Variants in NBEA observed in about 807,000 individuals in gnomAD.
NBEA encodes neurobeachin, also known as lysosomal-trafficking regulator 2.
In NBEA, 44 loss-of-function variants were observed where a neutral mutation model predicts 343.4. That is an observed-to-expected ratio of 0.13 (90% confidence interval 0.10 to 0.16). The LOEUF is 0.16. Among genes scored for constraint, NBEA ranks in the 10% least tolerant of loss-of-function variants. NBEA has a pLI of 1.00. For missense variants in NBEA, 2,555 were observed against 3,631.3 expected (o/e 0.70, Z 7.62); for synonymous variants, 1,175 against 1,238.7 (o/e 0.95, Z 1.08).
At chr13:35,305,750 C>T (rs911902955) in intron 35 of NBEA, among the ~76,000 whole-genome samples, 2 of 152,138 alleles carry the variant, frequency 1.3e-5, no homozygotes, top group African/African-American at 4.8e-5. Flanking sequence ...CCCTGAGATT[C>T]GGGGACTAGC....
At chr13:34,951,767 T>G (rs1469058043) in intron 1 of NBEA, among the ~76,000 whole-genome samples, 3 of 152,196 alleles carry the variant, frequency 2.0e-5, no homozygotes, top group African/African-American at 7.2e-5. Flanking sequence ...CAGGGCTGAC[T>G]TTCACATGTT....
intron 36 of NBEA, among the ~76,000 whole-genome samples, chr13:35,315,735 T>C (rs2037670282): frequency 6.6e-6 from 1 of 152,138 alleles, no homozygotes; most frequent in African/African-American, 2.4e-5. Context: ...ATATACACCA[T>C]GCATTTCTTA....
At chr13:35,593,705 G>A (rs998886827) in intron 47 of NBEA, among the ~76,000 whole-genome samples, 2 of 152,064 alleles carry the variant, frequency 1.3e-5, no homozygotes, top group African/African-American at 4.8e-5. Context: ...ATCAGGAGAT[G>A]TGAAAAGCCT....
chr13:35,316,676 A>G (rs1266715608), intron 36 of NBEA, among the ~76,000 whole-genome samples: 3 of 152,166 alleles, frequency 2.0e-5, no homozygotes, highest in Admixed American at 6.5e-5. Context: ...TCCTAGAGGA[A>G]TTGCCACACT....
At chr13:35,660,807 C>T (rs560500352) in intron 55 of NBEA, among the ~76,000 whole-genome samples, 1 of 152,202 alleles carries the variant, frequency 6.6e-6, no homozygotes, top group Non-Finnish European at 1.5e-5. Flanking sequence ...GATTTAGATA[C>T]ATTAAACAAG....
intron 11 of NBEA, 59 bp downstream of exon 11, chr13:35,098,464 C>T: frequency 7.9e-7 from 1 of 1,268,920 alleles, no homozygotes; most frequent in Non-Finnish European, 1.1e-6. Flanking sequence ...AGCTGTTAAT[C>T]ACTAATTTTT....
chr13:35,097,388 A>G (rs957417412), intron 10 of NBEA, among the ~76,000 whole-genome samples: 2 of 151,946 alleles, frequency 1.3e-5, no homozygotes, highest in Admixed American at 1.3e-4. Flanking sequence ...AATTTATGGT[A>G]TATTATAAAA....
At chr13:35,550,641 A>T in intron 42 of NBEA, 47 bp downstream of exon 42, 1 of 1,185,334 alleles carries the variant, frequency 8.4e-7, no homozygotes, top group Non-Finnish European at 1.2e-6. Context: ...ATATTTACAT[A>T]TTATTCATTT....
chr13:35,308,126 C>T, intron 35 of NBEA, among the ~76,000 whole-genome samples: 1 of 151,652 alleles, frequency 6.6e-6, no homozygotes. Flanking sequence ...CACACAAGTA[C>T]CTACTTTGGG....
chr13:35,439,227 C>G (rs1423497281), intron 39 of NBEA, among the ~76,000 whole-genome samples: 1 of 151,946 alleles, frequency 6.6e-6, no homozygotes, highest in Non-Finnish European at 1.5e-5. Flanking sequence ...AATTCCAGCA[C>G]GAAATATCAA....
At chr13:35,373,165 C>T (rs2041541915) in intron 38 of NBEA, among the ~76,000 whole-genome samples, 1 of 152,092 alleles carries the variant, frequency 6.6e-6, no homozygotes, top group Non-Finnish European at 1.5e-5. Flanking sequence ...GGCTGCCTCA[C>T]ATCCCTCTCC....
intron 48 of NBEA, among the ~76,000 whole-genome samples, chr13:35,608,747 A>G (rs1308310615): frequency 6.6e-6 from 1 of 152,334 alleles, no homozygotes; most frequent in African/African-American, 2.4e-5. Context: ...TTTGTTGATC[A>G]TGCTATTGAA....
intron 41 of NBEA, among the ~76,000 whole-genome samples, chr13:35,528,363 G>T (rs1402396227): frequency 6.6e-6 from 1 of 152,180 alleles, no homozygotes; most frequent in Non-Finnish European, 1.5e-5. Flanking sequence ...CTGTAAGAAA[G>T]ATTGCTCATT....
chr13:35,221,160 A>C (rs1166738792), intron 33 of NBEA, among the ~76,000 whole-genome samples: 1 of 152,106 alleles, frequency 6.6e-6, no homozygotes, highest in African/African-American at 2.4e-5. Context: ...CCTGACCTTC[A>C]TAGTGAAACC....
intron 30 of NBEA, among the ~76,000 whole-genome samples, chr13:35,184,825 T>C (rs2071576612): frequency 6.6e-6 from 1 of 152,072 alleles, no homozygotes; most frequent in South Asian, 2.1e-4. Flanking sequence ...TAACATGAGA[T>C]TACTGACTTC....
chr13:35,416,882 G>C (rs1350254599), intron 38 of NBEA, among the ~76,000 whole-genome samples: 1 of 152,002 alleles, frequency 6.6e-6, no homozygotes, highest in Non-Finnish European at 1.5e-5. Context: ...TTTTTTGGTT[G>C]GTAGGCTATT....
At chr13:35,231,986 A>T (rs2075000125) in intron 33 of NBEA, among the ~76,000 whole-genome samples, 1 of 152,200 alleles carries the variant, frequency 6.6e-6, no homozygotes, top group African/African-American at 2.4e-5. Flanking sequence ...GTTTGTAAAG[A>T]AAAGTAAATA....
intron 43 of NBEA, among the ~76,000 whole-genome samples, chr13:35,552,630 A>G (rs79780652): frequency 0.023 from 3,527 of 152,276 alleles, 49 homozygotes; most frequent in Non-Finnish European, 0.035. Context: ...ATTGACATTA[A>G]GAACTTACGA....
chr13:34,957,831 C>T (rs989050578), intron 1 of NBEA, among the ~76,000 whole-genome samples: 2 of 152,072 alleles, frequency 1.3e-5, no homozygotes, highest in Non-Finnish European at 2.9e-5. Flanking sequence ...TTACGCAAGA[C>T]TTATCAGCCA....
Sources: gnomAD v4.1 joint callset for allele counts (sites outside exome capture counted in the v4.1 genomes callset) on GRCh38, gnomAD v4.1.1 for gene constraint, MANE v1.5 for transcripts, NCBI Gene and HGNC (gene_info 2026-07-23, HGNC 2026-07-21) for gene names.